TAB3: variants seen among roughly 807,000 people sequenced by gnomAD.
TAB3 encodes TGF-beta-activated kinase 1 and MAP3K7-binding protein 3.
In TAB3, 18 loss-of-function variants were observed where a neutral mutation model predicts 48.1. That is an observed-to-expected ratio of 0.37 (90% CI 0.26 to 0.55). TAB3 has a LOEUF of 0.55. Ranked by LOEUF, TAB3 falls within the 20% of genes least tolerant of loss-of-function variation. The pLI is 0.78. For synonymous variants in TAB3, 185 were observed against 190.2 expected, an observed-to-expected ratio of 0.97 and a Z score of 0.22; for missense variants, 414 against 549.8, an observed-to-expected ratio of 0.75 and a Z score of 2.47.
chrX:30,868,613 A>AGAGAGAGG (rs1285197108), intron 2 of TAB3, among the ~76,000 whole-genome samples: 6 of 68,018 alleles, frequency 8.8e-5, no homozygotes, highest in African/African-American at 3.8e-4. Flanking sequence ...AGAGAGAGAG[A>AGAGAGAGG]GAGAGCGCGT....
chrX:30,886,651 C>T (rs1476389200), intron 1 of TAB3, among the ~76,000 whole-genome samples: 1 of 112,506 alleles, frequency 8.9e-6, no homozygotes, highest in African/African-American at 3.2e-5. Context: ...AATTTCAAAA[C>T]TTTTCTAGAA....
At chrX:30,868,941 CA>C (rs755697088) in intron 2 of TAB3, among the ~76,000 whole-genome samples, 48 of 93,488 alleles carry the variant, frequency 5.1e-4, no homozygotes, top group Admixed American at 1.1e-3. Context: ...TTTGATTATC[CA>C]AAAAAAAAAA....
rs1300293779 is a variant in TAB3 at position 30,829,736 on chromosome X, T to C, written c.*1691A>G. 9.1e-6 allele frequency: 1 copy of C among 110,191 alleles called. No homozygotes were observed. Among genetic ancestry groups the C allele is most frequent in the Non-Finnish European group, 1.9e-5 (1 of 52,778 alleles). 9.1% of individuals were successfully genotyped at this position (110,191 alleles called of 1,213,427 possible). ...AAGCTGTAGGCAGAGTGTGAAATGA[T>C]TCTGATGGAAAACTATGATGAGTTA... On this transcript the variant is annotated 3_prime_UTR_variant, in exon 11 of 11. Transcript: ENST00000288422.
At chrX:30,856,621 A>G (rs186300201) in intron 5 of TAB3, among the ~76,000 whole-genome samples, 167 of 112,135 alleles carry the variant, frequency 1.5e-3, no homozygotes, top group African/African-American at 5.1e-3. Flanking sequence ...AGATATGTAC[A>G]TGCATAGATA....
At chrX:30,833,270 A>G (rs780348340) in intron 10 of TAB3, among the ~76,000 whole-genome samples, 2 of 110,335 alleles carry the variant, frequency 1.8e-5, no homozygotes, top group East Asian at 5.8e-4. Flanking sequence ...CACCCGGCCT[A>G]CTATGCCATT....
At chrX:30,842,923 T>C (rs1338734587) in intron 9 of TAB3, 43 bp downstream of exon 9, 1 of 853,871 alleles carries the variant, frequency 1.2e-6, no homozygotes. Flanking sequence ...CAAATTATTT[T>C]GACATTTATT....
At chrX:30,858,874 A>C (rs891335516) in intron 5 of TAB3, among the ~76,000 whole-genome samples, 4 of 111,785 alleles carry the variant, frequency 3.6e-5, no homozygotes, top group African/African-American at 1.3e-4. Context: ...AACAAAGGTA[A>C]GGTGAGTGAA....
At chrX:30,861,175 C>T (rs1939241342) in intron 4 of TAB3, among the ~76,000 whole-genome samples, 1 of 112,137 alleles carries the variant, frequency 8.9e-6, no homozygotes, top group Non-Finnish European at 1.9e-5. Flanking sequence ...TGTAGCTCTA[C>T]TCAAGATCTG....
chrX:30,863,000 T>C (rs1453734913), intron 4 of TAB3, among the ~76,000 whole-genome samples: 5 of 112,118 alleles, frequency 4.5e-5, no homozygotes, highest in African/African-American at 6.5e-5. Context: ...TAAAAAATGG[T>C]TATAAATACT....
rs1368634376 is a variant in TAB3, at chrX:30,845,705, A to T, written c.1804+846T>A. 4 of 131,357 alleles carry T rather than the reference A, an allele frequency of 3.0e-5. No individual in the cohort carries two copies. The East Asian group carries it at 8.8e-4, about 29-fold the overall frequency. 10.8% of individuals were successfully genotyped at this position (131,357 alleles called of 1,213,427 possible). ...ACTTATAATGCAATTTGAGTACAGA[A>T]TCCTTTTAGACTTTTTTCAGTTGTT... On this transcript the variant is annotated intron_variant, in intron 8 of 10. Coordinates refer to ENST00000288422, the MANE Select transcript of TAB3 (RefSeq NM_152787.5).
rs1229634628 is a variant in TAB3 at position 30,831,313 on chromosome X, C to T, written c.*114G>A. The T allele has an allele frequency of 2.2e-6, 2 of 898,528 alleles. No individual in the cohort carries two copies. The highest frequency in any genetic ancestry group is 3.5e-5 in the East Asian group (1 of 28,806). The allele number at this position is 898,528 out of a possible 1,213,427, so 74.0% of individuals were successfully genotyped here. A position where few individuals can be genotyped will look rare whatever the true frequency, so the allele number is the denominator to read the frequency against. The stretch of plus-strand genomic sequence containing the variant: ...ACGACCACAAAGCCATTCCTCCTCC[C>T]CGCTGTGCAATCGAAAATGAAAAGG... On this transcript the variant is annotated 3_prime_UTR_variant, in exon 11 of 11. Coordinates refer to ENST00000288422, the MANE Select transcript of TAB3 (RefSeq NM_152787.5).
intron 10 of TAB3, among the ~76,000 whole-genome samples, chrX:30,832,506 T>C (rs961400769): frequency 3.0e-4 from 34 of 112,374 alleles, no homozygotes; most frequent in African/African-American, 1.0e-3. Flanking sequence ...AACACCTTTT[T>C]AAATAGGTAA....
chrX:30,864,134 C>A (rs1390635397), intron 4 of TAB3, among the ~76,000 whole-genome samples: 1 of 111,484 alleles, frequency 9.0e-6, no homozygotes, highest in Non-Finnish European at 1.9e-5. Flanking sequence ...CAGGCATGAC[C>A]AAACTCCTGG....
At chrX:30,875,303 A>C (rs751063732) in intron 1 of TAB3, among the ~76,000 whole-genome samples, 1 of 112,160 alleles carries the variant, frequency 8.9e-6, no homozygotes, top group Non-Finnish European at 1.9e-5. Context: ...TCTTAGGCCC[A>C]GTTTCCTAAT....
At chrX:30,832,988 T>G (rs997859319) in intron 10 of TAB3, among the ~76,000 whole-genome samples, 42 of 108,145 alleles carry the variant, frequency 3.9e-4, no homozygotes, top group Non-Finnish European at 7.1e-4. Context: ...TTTTTTTTTT[T>G]GAGACGGAGT....
At chrX:30,872,437 T>A (rs750234693) in intron 1 of TAB3, among the ~76,000 whole-genome samples, 5 of 111,804 alleles carry the variant, frequency 4.5e-5, no homozygotes, top group African/African-American at 1.6e-4. Context: ...TCGCTCAGGA[T>A]TGGAAGACCT....
chrX:30,841,224 C>T (rs1680042342), intron 9 of TAB3, among the ~76,000 whole-genome samples: 2 of 111,366 alleles, frequency 1.8e-5, no homozygotes, highest in African/African-American at 6.5e-5. Flanking sequence ...AGTTCAAGAC[C>T]AGCCTCGCCA....
chrX:30,878,098 T>C (rs1322203649), intron 1 of TAB3, among the ~76,000 whole-genome samples: 1 of 112,374 alleles, frequency 8.9e-6, no homozygotes. Context: ...ACTAAATTTG[T>C]ATGCAGTTGA....
chrX:30,885,374 C>A (rs1940101649), intron 1 of TAB3, among the ~76,000 whole-genome samples: 1 of 112,233 alleles, frequency 8.9e-6, no homozygotes, highest in Admixed American at 9.4e-5. Flanking sequence ...AATGTTTCTA[C>A]AGGAAAATCA....
Sources: allele counts gnomAD v4.1 joint callset (sites outside exome capture counted in the v4.1 genomes callset), GRCh38; gene constraint gnomAD v4.1.1; transcripts MANE v1.5; gene names NCBI Gene and HGNC (gene_info 2026-07-23, HGNC 2026-07-21).